The following ALK variants were observed in gnomAD, a reference collection of about 807,000 sequenced individuals.
ALK encodes ALK receptor tyrosine kinase, also known as ALK tyrosine kinase receptor.
In ALK, 74 loss-of-function variants were observed where a neutral mutation model predicts 163.1. That is an observed-to-expected ratio of 0.45 (90% CI 0.38 to 0.55). The LOEUF (loss-of-function observed/expected upper bound fraction) is 0.55, where lower values mean the gene tolerates loss of function less well. ALK is among the 20% of genes least tolerant of loss of function. The probability of loss-of-function intolerance (pLI) is 0.00; values close to 1 mark genes in which losing one functional copy is unlikely to be tolerated. For missense variants in ALK, 2,063 were observed against 2,105.3 expected (o/e 0.98, Z 0.39); for synonymous variants, 960 against 843.2 (o/e 1.14, Z -2.40).
intron 1 of ALK, among the ~76,000 whole-genome samples, chr2:29,728,838 C>A (rs558556235): frequency 6.6e-6 from 1 of 152,118 alleles, no homozygotes; most frequent in African/African-American, 2.4e-5. Context: ...AGCAAAGAAC[C>A]CCTTGGAGAT....
chr2:29,849,457 C>T (rs982007237), intron 1 of ALK, among the ~76,000 whole-genome samples: 2 of 152,188 alleles, frequency 1.3e-5, no homozygotes, highest in Non-Finnish European at 2.9e-5. Context: ...GAGATGGTGC[C>T]TGATGTTGGC....
intron 3 of ALK, among the ~76,000 whole-genome samples, chr2:29,550,893 C>T (rs567634760): frequency 6.6e-6 from 1 of 152,228 alleles, no homozygotes; most frequent in Non-Finnish European, 1.5e-5. Flanking sequence ...TTTCACTTAA[C>T]ATTGTCGTAA....
At chr2:29,627,836 T>C (rs1180918036) in intron 3 of ALK, among the ~76,000 whole-genome samples, 1 of 152,190 alleles carries the variant, frequency 6.6e-6, no homozygotes, top group Non-Finnish European at 1.5e-5. Flanking sequence ...AGAAGAGATC[T>C]TGTGTGTTTA....
At chr2:29,714,850 A>C (rs937135043) in intron 2 of ALK, among the ~76,000 whole-genome samples, 3 of 152,194 alleles carry the variant, frequency 2.0e-5, no homozygotes, top group Non-Finnish European at 2.9e-5. Context: ...TCTTTGATTC[A>C]TAGACATGTG....
rs147669146 is a variant in ALK, at chr2:29,390,913, T to C, written c.1155-7054A>G. Among the ~76,000 whole-genome samples the C allele has an allele frequency of 2.7e-3, 413 of 152,338 alleles. 2 individuals carry two copies. The highest frequency in any genetic ancestry group is 8.7e-3 in the African/African-American group (362 of 41,572). On this transcript the variant is annotated intron_variant, in intron 4 of 28. Coordinates refer to ENST00000389048, the MANE Select transcript of ALK (RefSeq NM_004304.5). ...TATTATTCACTTGCCCTTCATACTTTCCCACAAGTTAGATGAATGTGCTCT... is the reference window on the plus strand; with the variant it reads ...TATTATTCACTTGCCCTTCATACTTCCCCACAAGTTAGATGAATGTGCTCT...
At chr2:29,720,008 T>C (rs1217468186) in intron 1 of ALK, among the ~76,000 whole-genome samples, 1 of 152,176 alleles carries the variant, frequency 6.6e-6, no homozygotes, top group Non-Finnish European at 1.5e-5. Context: ...ACAGGAAGAC[T>C]AAGCCTAGGT....
At chr2:29,630,449 T>C (rs1416803882) in intron 3 of ALK, among the ~76,000 whole-genome samples, 2 of 152,114 alleles carry the variant, frequency 1.3e-5, no homozygotes, top group Admixed American at 6.5e-5. Context: ...AGTTTTATGG[T>C]AGCCTAGGGA....
chr2:29,290,547 C>G (rs1199094694), intron 9 of ALK, among the ~76,000 whole-genome samples: 1 of 152,154 alleles, frequency 6.6e-6, no homozygotes, highest in Non-Finnish European at 1.5e-5. Context: ...TGGGGGGCAC[C>G]CCTGGGCCAT....
intron 1 of ALK, among the ~76,000 whole-genome samples, chr2:29,864,858 C>G (rs1165890006): frequency 2.0e-5 from 3 of 152,116 alleles, no homozygotes. Context: ...TTTTCCTAGA[C>G]CAGACATGTA....
At chr2:29,313,680 G>T (rs111885196) in intron 8 of ALK, among the ~76,000 whole-genome samples, 3 of 152,116 alleles carry the variant, frequency 2.0e-5, no homozygotes, top group Non-Finnish European at 4.4e-5. Context: ...ATTAGCTGTG[G>T]GTCTTGAGGT....
chr2:29,529,088 C>T (rs954086630), intron 4 of ALK, among the ~76,000 whole-genome samples: 1 of 152,214 alleles, frequency 6.6e-6, no homozygotes, highest in Non-Finnish European at 1.5e-5. Flanking sequence ...TGCCTTTCCC[C>T]TGCCTTCTGC....
chr2:29,900,506 C>T (rs1667383592), intron 1 of ALK, among the ~76,000 whole-genome samples: 1 of 152,218 alleles, frequency 6.6e-6, no homozygotes, highest in Non-Finnish European at 1.5e-5. Flanking sequence ...CGTAAGCACA[C>T]TCATTTTTAT....
chr2:29,216,653 GGTGT>G (rs984258623), intron 23 of ALK, among the ~76,000 whole-genome samples: 4 of 136,720 alleles, frequency 2.9e-5, no homozygotes, highest in African/African-American at 1.0e-4. Flanking sequence ...ATGTGCGTAT[GGTGT>G]GTGTGTTTTG....
chr2:29,556,214 C>T (rs972293174), intron 3 of ALK, among the ~76,000 whole-genome samples: 2 of 152,168 alleles, frequency 1.3e-5, no homozygotes, highest in Non-Finnish European at 1.5e-5. Context: ...CAAGTCCTGG[C>T]TCTGCCATTA....
chr2:29,760,996 G>GCT (rs1343287200), intron 1 of ALK, among the ~76,000 whole-genome samples: 5 of 152,150 alleles, frequency 3.3e-5, no homozygotes, highest in African/African-American at 1.2e-4. Flanking sequence ...TTCTCAGGAA[G>GCT]CTCTAATGAA....
At chr2:29,909,995 A>C (rs1159603637) in intron 1 of ALK, among the ~76,000 whole-genome samples, 10 of 151,528 alleles carry the variant, frequency 6.6e-5, no homozygotes, top group Middle Eastern at 3.4e-3. Flanking sequence ...AAAAAAAAAA[A>C]ACAACTGCAA....
At chr2:29,771,629 G>A (rs1681027832) in intron 1 of ALK, among the ~76,000 whole-genome samples, 1 of 152,002 alleles carries the variant, frequency 6.6e-6, no homozygotes, top group African/African-American at 2.4e-5. Context: ...CCACCTCCCG[G>A]GTTCATACCA....
intron 8 of ALK, among the ~76,000 whole-genome samples, chr2:29,311,274 G>A (rs1666687133): frequency 6.6e-6 from 1 of 152,186 alleles, no homozygotes; most frequent in Non-Finnish European, 1.5e-5. Flanking sequence ...GAGCCTAATT[G>A]TGACCTAGGG....
rs1260498868 is a variant in ALK at position 29,383,736 on chromosome 2, A to G, written c.1278T>C (p.Ser426=). The stretch of plus-strand genomic sequence containing the variant: ...GGGAAAGCCAGATTCAGATACCTTC[A>G]CTGCAGTTCTTCAGGGCAAAGAAGT... ...AVDFFALKNC[S]EGTSPGSKMA... The change falls in exon 5 of 29, where the codon AGT becomes AGC. Residue 426 remains serine (S), a synonymous_variant. Transcript: ENST00000389048. 4.3e-6 allele frequency: 7 copies of G among 1,614,068 alleles called. No individual in the cohort carries two copies. Among genetic ancestry groups the G allele is most frequent in the South Asian group, 1.1e-5 (1 of 91,080 alleles).
Sources: allele counts gnomAD v4.1 joint callset (sites outside exome capture counted in the v4.1 genomes callset), GRCh38; gene constraint gnomAD v4.1.1; transcripts MANE v1.5; gene names NCBI Gene and HGNC (gene_info 2026-07-23, HGNC 2026-07-21).